The following ZSWIM6 variants were observed in gnomAD, a reference collection of about 807,000 sequenced individuals.
The protein encoded by ZSWIM6 is zinc finger SWIM-type containing 6.
In ZSWIM6, 9 loss-of-function variants were observed where a neutral mutation model predicts 113.2. The ratio of observed to expected loss-of-function variants is 0.08; its 90% CI spans 0.05 to 0.14. The LOEUF (loss-of-function observed/expected upper bound fraction) is 0.14. Among genes scored for constraint, ZSWIM6 ranks in the 10% least tolerant of loss-of-function variants. The pLI, the probability that ZSWIM6 is intolerant of heterozygous loss-of-function variation, is 1.00. For synonymous variants in ZSWIM6, 611 were observed against 606.5 expected (o/e 1.01, Z -0.11); for missense variants, 1,162 against 1,552.2 (o/e 0.75, Z 4.22).
At chr5:61,350,375 G>A (rs985131225) in intron 1 of ZSWIM6, among the ~76,000 whole-genome samples, 1 of 152,134 alleles carries the variant, frequency 6.6e-6, no homozygotes, top group Non-Finnish European at 1.5e-5. Flanking sequence ...GTAAGAGAGG[G>A]AAGGTGGTGT....
intron 1 of ZSWIM6, among the ~76,000 whole-genome samples, chr5:61,365,940 G>C: frequency 6.6e-6 from 1 of 151,848 alleles, no homozygotes; most frequent in Non-Finnish European, 1.5e-5. Context: ...TTTTTAAGAT[G>C]GTCTCATTCT....
chr5:61,385,418 A>C (rs1355219363), intron 1 of ZSWIM6, among the ~76,000 whole-genome samples: 1 of 152,184 alleles, frequency 6.6e-6, no homozygotes, highest in African/African-American at 2.4e-5. Flanking sequence ...CGGCATGATA[A>C]ATGAGAAGAA....
chr5:61,333,932 A>G (rs1374592119), intron 1 of ZSWIM6, among the ~76,000 whole-genome samples: 1 of 152,104 alleles, frequency 6.6e-6, no homozygotes, highest in East Asian at 1.9e-4. Context: ...AGCGCGAGGC[A>G]GAGGGCTCGG....
At chr5:61,463,014 T>A (rs1747350694) in intron 1 of ZSWIM6, among the ~76,000 whole-genome samples, 1 of 152,208 alleles carries the variant, frequency 6.6e-6, no homozygotes, top group African/African-American at 2.4e-5. Flanking sequence ...GCCTATATAT[T>A]TTTTTCATTA....
chr5:61,435,553 T>G (rs1746688615), intron 1 of ZSWIM6, among the ~76,000 whole-genome samples: 1 of 152,228 alleles, frequency 6.6e-6, no homozygotes, highest in Non-Finnish European at 1.5e-5. Context: ...TAATGCTTAT[T>G]AAGCTTGCAG....
At chr5:61,382,759 C>T (rs1579965963) in intron 1 of ZSWIM6, among the ~76,000 whole-genome samples, 2 of 151,554 alleles carry the variant, frequency 1.3e-5, no homozygotes, top group African/African-American at 4.8e-5. Context: ...GAGCTGAGAT[C>T]GTGCCACTGC....
intron 3 of ZSWIM6, 148 bp downstream of exon 3, chr5:61,491,082 G>A (rs561551194): frequency 1.3e-4 from 92 of 704,088 alleles, no homozygotes; most frequent in Non-Finnish European, 1.8e-4. Flanking sequence ...GTATTGTAAT[G>A]CAAGCTATTT....
intron 1 of ZSWIM6, among the ~76,000 whole-genome samples, chr5:61,362,493 C>T (rs1745051790): frequency 6.6e-6 from 1 of 152,128 alleles, no homozygotes; most frequent in Non-Finnish European, 1.5e-5. Context: ...CCACTGTGCC[C>T]AGCTTTAACT....
Position 61,543,947 on chromosome 5 carries a change from T to G in ZSWIM6, c.3278T>G (p.Leu1093Arg), listed in dbSNP as rs780837744. The G allele has an allele frequency of 3.2e-6, 5 of 1,551,734 alleles. No individual in the cohort carries two copies. Among genetic ancestry groups the G allele is most frequent in the Non-Finnish European group, 4.4e-6 (5 of 1,147,032 alleles). The change falls in exon 14 of 14, where the codon CTG becomes CGG. Residue 1093 changes from leucine (L) to arginine (R), a missense_variant. Coordinates refer to ENST00000252744, the MANE Select transcript of ZSWIM6 (RefSeq NM_020928.2). The surrounding 1 kb of genome is among the most constrained non-coding windows in gnomAD (Gnocchi z 4.3). ...GKNELAAIIP[L>R]VVKSVKCATV... Reference sequence around the variant, plus strand: ...AATGAGCTTGCAGCTATAATACCTCTGGTGGTCAAGAGTGTCAAGTGTGCA... The same window carrying G: ...AATGAGCTTGCAGCTATAATACCTCGGGTGGTCAAGAGTGTCAAGTGTGCA...
At chr5:61,460,476 G>A (rs773712774) in intron 1 of ZSWIM6, among the ~76,000 whole-genome samples, 46 of 152,132 alleles carry the variant, frequency 3.0e-4, no homozygotes, top group Non-Finnish European at 5.7e-4. Context: ...AAGACCTTGG[G>A]AACCCTTCCC....
At chr5:61,386,017 A>G (rs1055362821) in intron 1 of ZSWIM6, among the ~76,000 whole-genome samples, 1 of 152,254 alleles carries the variant, frequency 6.6e-6, no homozygotes, top group African/African-American at 2.4e-5. Context: ...ACTATTGCCC[A>G]GCAATTGGAC....
chr5:61,354,079 A>G (rs1428983979), intron 1 of ZSWIM6, among the ~76,000 whole-genome samples: 1 of 152,216 alleles, frequency 6.6e-6, no homozygotes, highest in Non-Finnish European at 1.5e-5. Context: ...TGATGAGGAA[A>G]GGTTATCTTT....
chr5:61,483,863 C>T (rs746940931), intron 2 of ZSWIM6, among the ~76,000 whole-genome samples: 42 of 150,328 alleles, frequency 2.8e-4, no homozygotes, highest in Middle Eastern at 3.4e-3. Context: ...GGCAACAGAG[C>T]GAGACTCTGT....
At chr5:61,465,009 G>A (rs1008508343) in intron 1 of ZSWIM6, among the ~76,000 whole-genome samples, 20 of 152,192 alleles carry the variant, frequency 1.3e-4, no homozygotes, top group Non-Finnish European at 2.4e-4. Flanking sequence ...GAACTGAGGT[G>A]GGGGCAATGT....
At chr5:61,526,708 AT>A (rs1292264555) in intron 7 of ZSWIM6, among the ~76,000 whole-genome samples, 1 of 152,042 alleles carries the variant, frequency 6.6e-6, no homozygotes, top group African/African-American at 2.4e-5. Context: ...TAAATGCCTT[AT>A]TTTGTGGAAG....
chr5:61,388,173 G>T (rs932691858), intron 1 of ZSWIM6, among the ~76,000 whole-genome samples: 1 of 151,694 alleles, frequency 6.6e-6, no homozygotes, highest in Admixed American at 6.6e-5. Flanking sequence ...AGTAAAGATG[G>T]GGTTTCATCA....
At chr5:61,395,547 A>G (rs967983834) in intron 1 of ZSWIM6, among the ~76,000 whole-genome samples, 4 of 152,380 alleles carry the variant, frequency 2.6e-5, no homozygotes, top group African/African-American at 9.6e-5. Context: ...GCACAGGGCT[A>G]TACACATGAT....
intron 1 of ZSWIM6, among the ~76,000 whole-genome samples, chr5:61,366,420 C>A (rs577078866): frequency 6.6e-6 from 1 of 152,278 alleles, no homozygotes; most frequent in African/African-American, 2.4e-5. Flanking sequence ...ATTCTTCAAA[C>A]CTCACAAAGA....
intron 1 of ZSWIM6, among the ~76,000 whole-genome samples, chr5:61,437,458 C>T (rs1038667710): frequency 6.6e-5 from 10 of 152,056 alleles, no homozygotes; most frequent in African/African-American, 1.9e-4. Context: ...TGCGGTGGCT[C>T]ACGCCTGTAG....
Sources: allele counts gnomAD v4.1 joint callset (sites outside exome capture counted in the v4.1 genomes callset), GRCh38; gene constraint gnomAD v4.1.1; non-coding constraint Gnocchi (gnomAD v3.1); transcripts MANE v1.5; gene names NCBI Gene and HGNC (gene_info 2026-07-23, HGNC 2026-07-21).